Variants in MYO5B observed in about 807,000 individuals in gnomAD.
MYO5B encodes myosin VB.
In MYO5B, 143 loss-of-function variants were observed where a neutral mutation model predicts 229.3. The ratio of observed to expected loss-of-function variants is 0.62; its 90% confidence interval spans 0.54 to 0.72. The LOEUF is 0.72. Among genes scored for constraint, MYO5B ranks in the 30% least tolerant of loss-of-function variants. The pLI is 0.00. For synonymous variants in MYO5B, 918 were observed against 885.2 expected (o/e 1.04, Z -0.66); for missense variants, 2,321 against 2,331.0 (o/e 1.00, Z 0.09).
intron 22 of MYO5B, among the ~76,000 whole-genome samples, chr18:49,886,125 A>G (rs754236441): frequency 3.0e-4 from 46 of 152,136 alleles, no homozygotes; most frequent in Non-Finnish European, 5.3e-4. Flanking sequence ...TTTTTAGTAT[A>G]GACGGGGTTT....
At chr18:49,978,675 A>C (rs992073343) in intron 9 of MYO5B, among the ~76,000 whole-genome samples, 17 of 149,310 alleles carry the variant, frequency 1.1e-4, no homozygotes, top group African/African-American at 4.2e-4. Context: ...CACAAAGGAG[A>C]AAGGTAGGCA....
intron 4 of MYO5B, among the ~76,000 whole-genome samples, chr18:50,008,295 C>T (rs190312818): frequency 1.3e-5 from 2 of 152,294 alleles, no homozygotes; most frequent in East Asian, 1.9e-4. Context: ...AGTGTTCCTC[C>T]CACCCTAGTC....
At chr18:50,051,011 G>A (rs968171815) in intron 2 of MYO5B, among the ~76,000 whole-genome samples, 3 of 152,154 alleles carry the variant, frequency 2.0e-5, no homozygotes, top group African/African-American at 4.8e-5. Flanking sequence ...TTGCAATACT[G>A]AACAATTCAT....
chr18:50,057,779 G>T (rs1380274934), intron 1 of MYO5B, among the ~76,000 whole-genome samples: 1 of 152,136 alleles, frequency 6.6e-6, no homozygotes, highest in African/African-American at 2.4e-5. Context: ...TTAGCTCCTT[G>T]CTCCTCCAGG....
intron 3 of MYO5B, 25 bp downstream of exon 3, chr18:50,040,118 C>G: frequency 9.9e-6 from 16 of 1,613,406 alleles, no homozygotes; most frequent in Non-Finnish European, 1.3e-5. Context: ...CCAACGCATG[C>G]AGCCAACAGA....
chr18:49,870,986 T>C (rs1421581065), intron 27 of MYO5B, among the ~76,000 whole-genome samples: 2 of 152,212 alleles, frequency 1.3e-5, no homozygotes, highest in African/African-American at 4.8e-5. Context: ...AAAGAGATAC[T>C]TGTATATCCA....
chr18:50,122,400 G>C (rs377061910), intron 1 of MYO5B, among the ~76,000 whole-genome samples: 82 of 125,786 alleles, frequency 6.5e-4, no homozygotes, highest in African/African-American at 2.3e-3. Context: ...TCAGGAGTTT[G>C]AGATCAGCCT....
chr18:49,974,812 C>CACACACACACACAT (rs1568054858), intron 9 of MYO5B, among the ~76,000 whole-genome samples, 197 bp from the exon 10 acceptor site: 1 of 150,370 alleles, frequency 6.7e-6, no homozygotes, highest in African/African-American at 2.5e-5. Flanking sequence ...CACACACACA[C>CACACACACACACAT]ACACACACAC....
At chr18:50,140,024 G>GA (rs74176754) in intron 1 of MYO5B, among the ~76,000 whole-genome samples, 14,837 of 151,950 alleles carry the variant, frequency 0.098, 854 homozygotes, top group East Asian at 0.19. Context: ...AACCTAGGGG[G>GA]AAAAAAACTT....
intron 17 of MYO5B, among the ~76,000 whole-genome samples, chr18:49,917,381 G>A (rs2025028616): frequency 6.6e-6 from 1 of 151,896 alleles, no homozygotes; most frequent in Non-Finnish European, 1.5e-5. Flanking sequence ...GTGTGGGACA[G>A]TCCTAACACC....
In MYO5B at chr18:49,839,635, C is replaced by T. The variant is rs191377013; in HGVS notation, c.4702-341G>A. On this transcript the variant is annotated intron_variant, in intron 35 of 39. Transcript: ENST00000285039. ...TTTTCCCTTCATCCAGCGCTTTCCT[C>T]AATATATCAGGTCCCCCTAAAATGT... 1.0e-3 allele frequency among the ~76,000 whole-genome samples: 152 copies of T among 152,292 alleles called. 1 individual carries two copies. The highest frequency in any genetic ancestry group is 3.6e-3 in the African/African-American group (151 of 41,560).
Position 49,841,508 on chromosome 18 carries a change from G to T in MYO5B, c.4612-54C>A. The T allele has an allele frequency of 2.0e-6, 3 of 1,464,496 alleles. No individual in the cohort carries two copies. The South Asian group carries it at 3.4e-5, about 17-fold the overall frequency. 90.7% of individuals were successfully genotyped at this position (1,464,496 alleles called of 1,614,324 possible). A position where few individuals can be genotyped will look rare whatever the true frequency, so the allele number is the denominator to read the frequency against. On this transcript the variant is annotated intron_variant, in intron 34 of 39. Transcript: ENST00000285039. ...CTAAGTGGCTCCCATCTGGTGAAATGCTTCCTCGGTACCTCTTTCCCCACA... is the reference window on the plus strand; with the variant it reads ...CTAAGTGGCTCCCATCTGGTGAAATTCTTCCTCGGTACCTCTTTCCCCACA...
At chr18:49,838,961 A>G (rs563583848) in intron 36 of MYO5B, among the ~76,000 whole-genome samples, 183 bp downstream of exon 36, 219 of 152,336 alleles carry the variant, frequency 1.4e-3, no homozygotes, top group African/African-American at 5.1e-3. Context: ...CACTGTGTCA[A>G]ATACTTTCAC....
At chr18:50,182,115 G>C (rs2033081540) in intron 1 of MYO5B, among the ~76,000 whole-genome samples, 1 of 152,232 alleles carries the variant, frequency 6.6e-6, no homozygotes, top group Admixed American at 6.5e-5. Context: ...TGGTGAGACA[G>C]TGCTCCAAAC....
chr18:50,033,015 T>G (rs975754911), intron 4 of MYO5B, among the ~76,000 whole-genome samples: 3 of 152,150 alleles, frequency 2.0e-5, no homozygotes, highest in Non-Finnish European at 4.4e-5. Context: ...TTCATTTCTC[T>G]TGGGTGCATA....
chr18:50,032,189 T>C (rs1367338487), intron 4 of MYO5B, among the ~76,000 whole-genome samples: 1 of 152,228 alleles, frequency 6.6e-6, no homozygotes, highest in African/African-American at 2.4e-5. Flanking sequence ...TTGTTTATAA[T>C]AGCTTTATTA....
rs2023817397 is a variant in MYO5B at position 49,824,497 on chromosome 18, T to G, written c.*1974A>C. ...AAGAGAGATGGAGAGAATGATGGTA[T>G]AAGACAGTGTATAAGGATAGTAAGC... is the stretch of plus-strand genomic sequence containing the variant. On this transcript the variant is annotated 3_prime_UTR_variant, in exon 40 of 40. Coordinates refer to ENST00000285039, the MANE Select transcript of MYO5B (RefSeq NM_001080467.3). The G allele has an allele frequency of 5.9e-5, 9 of 152,542 alleles. No homozygotes were observed. The highest frequency in any genetic ancestry group is 5.9e-4 in the Admixed American group (9 of 15,290). 9.4% of individuals were successfully genotyped at this position (152,542 alleles called of 1,614,324 possible).
chr18:49,964,129 G>T (rs958477278), intron 10 of MYO5B, among the ~76,000 whole-genome samples: 2 of 152,138 alleles, frequency 1.3e-5, no homozygotes, highest in Non-Finnish European at 2.9e-5. Context: ...CTAACCTAAA[G>T]AAATTACCAT....
intron 17 of MYO5B, among the ~76,000 whole-genome samples, chr18:49,915,375 G>A (rs917679549): frequency 6.6e-6 from 1 of 152,114 alleles, no homozygotes; most frequent in Non-Finnish European, 1.5e-5. Flanking sequence ...CATGTGTCAC[G>A]CACGTAGTGG....
Sources: allele counts gnomAD v4.1 joint callset (sites outside exome capture counted in the v4.1 genomes callset), GRCh38; gene constraint gnomAD v4.1.1; transcripts MANE v1.5; gene names NCBI Gene and HGNC (gene_info 2026-07-23, HGNC 2026-07-21).